Variants in SGCD observed in about 807,000 individuals in gnomAD.
SGCD encodes the protein sarcoglycan delta.
SGCD carries 18 observed loss-of-function variants against 36.6 expected under a neutral mutation model. The ratio of observed to expected loss-of-function variants is 0.49; its 90% CI spans 0.34 to 0.73. The LOEUF (loss-of-function observed/expected upper bound fraction) is 0.73, where lower values mean the gene tolerates loss of function less well. SGCD is among the 30% of genes least tolerant of loss of function. The pLI is 0.01. For missense variants in SGCD, 387 were observed against 346.7 expected (o/e 1.12, Z -0.92); for synonymous variants, 133 against 130.6 (o/e 1.02, Z -0.12).
At chr5:156,546,759 G>T (rs115178258) in intron 4 of SGCD, among the ~76,000 whole-genome samples, 1 of 152,166 alleles carries the variant, frequency 6.6e-6, no homozygotes, top group African/African-American at 2.4e-5. Context: ...AAAATTTGAG[G>T]CACAGGAAAA....
chr5:155,953,557 G>T (rs992163511), intron 1 of SGCD, among the ~76,000 whole-genome samples: 1 of 152,126 alleles, frequency 6.6e-6, no homozygotes, highest in Non-Finnish European at 1.5e-5. Flanking sequence ...GTAACTTTTG[G>T]TTTTACTCAC....
At chr5:156,075,110 G>A (rs1396424265) in intron 1 of SGCD, among the ~76,000 whole-genome samples, 1 of 152,046 alleles carries the variant, frequency 6.6e-6, no homozygotes, top group East Asian at 1.9e-4. Flanking sequence ...TATTAAGGAA[G>A]TTTCAGTGTT....
chr5:156,150,423 A>G (rs1462530101), intron 3 of SGCD, among the ~76,000 whole-genome samples: 1 of 151,638 alleles, frequency 6.6e-6, no homozygotes, highest in Non-Finnish European at 1.5e-5. Flanking sequence ...TTCATGTTGT[A>G]CTGCGATCAG....
At chr5:156,577,101 G>A (rs1439877280) in intron 4 of SGCD, among the ~76,000 whole-genome samples, 1 of 152,130 alleles carries the variant, frequency 6.6e-6, no homozygotes, top group Non-Finnish European at 1.5e-5. Flanking sequence ...TCTATAAAGT[G>A]TAAGGAAGGG....
At chr5:156,108,487 A>G (rs187073654) in intron 1 of SGCD, among the ~76,000 whole-genome samples, 7 of 152,238 alleles carry the variant, frequency 4.6e-5, no homozygotes, top group African/African-American at 1.4e-4. Flanking sequence ...CCTGATACAT[A>G]TAGCATTAAA....
At chr5:156,211,563 G>A (rs534632999) in intron 3 of SGCD, among the ~76,000 whole-genome samples, 13 of 150,398 alleles carry the variant, frequency 8.6e-5, no homozygotes, top group African/African-American at 2.7e-4. Flanking sequence ...AGCCGAGATC[G>A]TGCCACTGCA....
the SGCD span, among the ~76,000 whole-genome samples, chr5:155,801,203 G>A: frequency 6.6e-6 from 1 of 151,756 alleles, no homozygotes; most frequent in African/African-American, 2.4e-5. Flanking sequence ...CTTAATTGTA[G>A]AAGTCCTGTA....
chr5:156,669,966 C>T (rs1041922685), intron 7 of SGCD, among the ~76,000 whole-genome samples: 1 of 152,104 alleles, frequency 6.6e-6, no homozygotes, highest in African/African-American at 2.4e-5. Flanking sequence ...ATTACTAGAC[C>T]ATCTATGAAA....
chr5:155,756,621 A>G, the SGCD span, among the ~76,000 whole-genome samples: 1 of 152,232 alleles, frequency 6.6e-6, no homozygotes, highest in Admixed American at 6.5e-5. Flanking sequence ...TGAACCATTT[A>G]ATAAACATAA....
chr5:156,186,113 A>T (rs1561555817), intron 3 of SGCD, among the ~76,000 whole-genome samples: 1 of 151,566 alleles, frequency 6.6e-6, no homozygotes, highest in Non-Finnish European at 1.5e-5. Flanking sequence ...CAACTTTGTG[A>T]GATTTCCTCT....
chr5:156,628,110 A>G (rs1180875885), intron 6 of SGCD, among the ~76,000 whole-genome samples: 1 of 152,168 alleles, frequency 6.6e-6, no homozygotes, highest in Non-Finnish European at 1.5e-5. Context: ...TCCCATGGCA[A>G]AAGCAGGGGC....
intron 3 of SGCD, among the ~76,000 whole-genome samples, chr5:156,316,356 T>C (rs1767517842): frequency 6.6e-6 from 1 of 151,996 alleles, no homozygotes; most frequent in Non-Finnish European, 1.5e-5. Context: ...ATTGGAAGAA[T>C]TAATATTGTC....
At chr5:156,564,619 C>T (rs1483518316) in intron 4 of SGCD, among the ~76,000 whole-genome samples, 1 of 152,152 alleles carries the variant, frequency 6.6e-6, no homozygotes, top group African/African-American at 2.4e-5. Context: ...GTGAAACAAA[C>T]TCTGTGCCCA....
intron 3 of SGCD, among the ~76,000 whole-genome samples, chr5:156,157,896 A>T (rs960906812): frequency 3.3e-5 from 5 of 151,696 alleles, no homozygotes; most frequent in African/African-American, 9.8e-5. Context: ...TTAGTTTCTT[A>T]ATTTATATCC....
At chr5:155,748,247 C>G in the SGCD span, among the ~76,000 whole-genome samples, 1 of 152,056 alleles carries the variant, frequency 6.6e-6, no homozygotes, top group Non-Finnish European at 1.5e-5. Context: ...ACCCTTAGGT[C>G]ATGCCTCCTC....
chr5:155,895,206 A>T (rs1756221072), intron 1 of SGCD, among the ~76,000 whole-genome samples: 1 of 152,240 alleles, frequency 6.6e-6, no homozygotes, highest in Non-Finnish European at 1.5e-5. Flanking sequence ...TCCACATGAA[A>T]TCGTACTTTC....
rs1029399512 is a variant in SGCD, at chr5:156,764,325, C to A, written c.*4935C>A. On this transcript the variant is annotated 3_prime_UTR_variant, in exon 9 of 9. Coordinates refer to ENST00000337851, the MANE Select transcript of SGCD (RefSeq NM_000337.6). ...GATGCCTCTCTTTCTTTGTGGTAAT[C>A]GGAATTTAAAATTATACAGTTGCCT... is the stretch of plus-strand genomic sequence containing the variant. 1.3e-5 allele frequency: 2 copies of A among 152,506 alleles called. No individual in the cohort carries two copies. Among genetic ancestry groups the A allele is most frequent in the African/African-American group, 2.4e-5 (1 of 41,396 alleles). The allele number at this position is 152,506 out of a possible 1,614,324, so 9.4% of individuals were successfully genotyped here. A position where few individuals can be genotyped will look rare whatever the true frequency, so the allele number is the denominator to read the frequency against.
intron 4 of SGCD, among the ~76,000 whole-genome samples, chr5:156,537,928 CCGTCTTTT>C (rs1043895013): frequency 7.9e-5 from 12 of 152,128 alleles, no homozygotes; most frequent in African/African-American, 2.9e-4. Flanking sequence ...GAAAGACATA[CCGTCTTTT>C]CTTCCTGTGA....
the SGCD span, among the ~76,000 whole-genome samples, chr5:155,832,686 G>A: frequency 1.8e-4 from 27 of 152,026 alleles, no homozygotes; most frequent in Admixed American, 1.4e-3. Context: ...ATCACACATT[G>A]AAGATATAAT....
Sources: gnomAD v4.1 joint callset for allele counts (sites outside exome capture counted in the v4.1 genomes callset) on GRCh38, gnomAD v4.1.1 for gene constraint, MANE v1.5 for transcripts, NCBI Gene and HGNC (gene_info 2026-07-23, HGNC 2026-07-21) for gene names.